Variants in CENPF observed in about 807,000 individuals in gnomAD.
CENPF encodes the protein centromere protein F, also known as AH antigen.
CENPF carries 214 observed loss-of-function variants against 307.3 expected under a neutral mutation model. The observed-to-expected ratio is 0.70, with a 90% CI of 0.62 to 0.78. The LOEUF (loss-of-function observed/expected upper bound fraction) is 0.78. Ranked by LOEUF, CENPF falls within the 30% of genes least tolerant of loss-of-function variation. CENPF has a pLI of 0.00. For synonymous variants in CENPF, 1,259 were observed against 1,270.6 expected (o/e 0.99, Z 0.19); for missense variants, 3,401 against 3,483.9 (o/e 0.98, Z 0.60).
At chr1:214,608,507 A>C in intron 1 of CENPF, 1 of 1,612,162 alleles carries the variant, frequency 6.2e-7, no homozygotes, top group Non-Finnish European at 8.5e-7. Context: ...AGGACCGTGT[A>C]CCTGGCACCA....
intron 14 of CENPF, 40 bp from the exon 15 acceptor site, chr1:214,651,670 T>C: frequency 7.0e-7 from 1 of 1,427,262 alleles, no homozygotes; most frequent in Non-Finnish European, 9.5e-7. Flanking sequence ...TTCTTAATTA[T>C]GAGGAGGTGC....
intron 3 of CENPF, among the ~76,000 whole-genome samples, chr1:214,615,758 G>A (rs754431722): frequency 3.9e-5 from 6 of 152,096 alleles, no homozygotes; most frequent in Non-Finnish European, 5.9e-5. Flanking sequence ...GGCCAACATG[G>A]TGAAACCCCC....
intron 1 of CENPF, chr1:214,605,989 G>C: frequency 6.3e-7 from 1 of 1,597,196 alleles, no homozygotes; most frequent in Non-Finnish European, 8.5e-7. Context: ...GCACCACCGC[G>C]GCACACTCGT....
Position 214,645,316 on chromosome 1 carries a change from C to T in CENPF, c.5746C>T (p.His1916Tyr), listed in dbSNP as rs1658257906. ...CAGATCGGAGAAAGCTAGCATTGAG[C>T]ATGAAGCCCTCTACCTGGAGGCTGA... is the stretch of plus-strand genomic sequence containing the variant. Reference protein sequence around the residue: ...RIRSEKASIEHEALYLEADLE... With the variant: ...RIRSEKASIEYEALYLEADLE... The change falls in exon 13 of 20, where the codon CAT becomes TAT. Residue 1916 changes from histidine to tyrosine, a missense_variant. Transcript: ENST00000366955. 6.2e-7 allele frequency: 1 copy of T among 1,613,898 alleles called. No homozygotes were observed. The highest frequency in any genetic ancestry group is 1.3e-5 in the African/African-American group (1 of 74,896).
chr1:214,606,118 G>A (rs1657023027), intron 1 of CENPF: 9 of 1,552,464 alleles, frequency 5.8e-6, no homozygotes, highest in Admixed American at 1.8e-5. Flanking sequence ...GGCCTCCGAC[G>A]CGCGCGCACC....
At chr1:214,613,608 TG>T in intron 1 of CENPF, 105 bp from the exon 2 acceptor site, 1 of 724,000 alleles carries the variant, frequency 1.4e-6, no homozygotes, top group Non-Finnish European at 2.2e-6. Context: ...TTTTGAAATG[TG>T]GTCTTGAAAC....
chr1:214,656,042 C>G (rs2102417921), intron 17 of CENPF, among the ~76,000 whole-genome samples: 1 of 152,268 alleles, frequency 6.6e-6, no homozygotes, highest in South Asian at 2.1e-4. Flanking sequence ...AGATTGGCAT[C>G]AGAATTGGCT....
At position 214,644,601 on chromosome 1, in the gene CENPF, T is replaced by C. The variant is rs111841607; in HGVS notation, c.5031T>C (p.His1677=). The C allele has an allele frequency of 6.2e-7, 1 of 1,612,428 alleles. No homozygotes were observed. Among genetic ancestry groups the C allele is most frequent in the Non-Finnish European group, 8.5e-7 (1 of 1,179,084 alleles). The change falls in exon 13 of 20, where the codon CAT becomes CAC. Residue 1677 remains histidine, a synonymous_variant. Coordinates refer to ENST00000366955, the MANE Select transcript of CENPF (RefSeq NM_016343.4). ...AGAGCTGTGACATATCAAAAGAACA[T>C]ACTTCAGAAACTACAGAAAGAACAC... ...RNESCDISKE[H]TSETTERTPK... is the part of the protein sequence containing the mutation.
intron 19 of CENPF, among the ~76,000 whole-genome samples, chr1:214,662,493 A>G (rs755879348): frequency 1.2e-4 from 18 of 152,348 alleles, no homozygotes; most frequent in Middle Eastern, 3.4e-3. Flanking sequence ...TGGAAAGAAT[A>G]TAAATGGGAA....
intron 15 of CENPF, among the ~76,000 whole-genome samples, chr1:214,652,569 G>A (rs766443141): frequency 2.0e-5 from 3 of 150,772 alleles, no homozygotes; most frequent in South Asian, 2.1e-4. Flanking sequence ...TCAGCCTCCC[G>A]AGTAGCTGGG....
At position 214,642,776 on chromosome 1, in the gene CENPF, T is replaced by C; in HGVS notation, c.4438T>C (p.Cys1480Arg). 1 of 1,614,008 alleles carries C rather than the reference T, an allele frequency of 6.2e-7. No homozygotes were observed. The highest frequency in any genetic ancestry group is 8.5e-7 in the Non-Finnish European group (1 of 1,179,960). Residue 1480 changes from cysteine to arginine, a missense_variant, in exon 12 of 20, where the codon TGT (cysteine) becomes CGT (arginine). Physicochemically the swap from Cys to Arg is radical, Grantham distance 180. Transcript: ENST00000366955. ...GCTCGTTCCATCCCTGTCATCCTCT[T>C]GTGTGCCTGACAGCTCTAGTCTTAG... The part of the protein sequence containing the change: ...EGLVPSLSSS[C>R]VPDSSSLSSL...
intron 3 of CENPF, among the ~76,000 whole-genome samples, chr1:214,617,429 T>A (rs1657391755): frequency 6.6e-6 from 1 of 152,208 alleles, no homozygotes; most frequent in African/African-American, 2.4e-5. Flanking sequence ...AAAAGAGCTT[T>A]CATTTTATTT....
intron 11 of CENPF, among the ~76,000 whole-genome samples, chr1:214,639,100 T>C (rs1022902498): frequency 1.3e-5 from 2 of 152,236 alleles, no homozygotes; most frequent in African/African-American, 4.8e-5. Flanking sequence ...GAGATTGTAA[T>C]ACATGTTACC....
chr1:214,660,682 C>A (rs927377365), intron 19 of CENPF, among the ~76,000 whole-genome samples: 5 of 152,168 alleles, frequency 3.3e-5, no homozygotes, highest in African/African-American at 1.2e-4. Context: ...AACATCCATT[C>A]CTGTTTGTCT....
chr1:214,635,473 G>A (rs1657933212), intron 10 of CENPF, among the ~76,000 whole-genome samples: 1 of 152,170 alleles, frequency 6.6e-6, no homozygotes, highest in African/African-American at 2.4e-5. Flanking sequence ...AATCATGTGA[G>A]GATGCAGGAG....
rs114717799 is a variant in CENPF, at chr1:214,641,961, C to T, written c.3623C>T (p.Ala1208Val). 9.0e-3 allele frequency: 14,338 copies of T among 1,599,682 alleles called. 160 individuals carry two copies. Among genetic ancestry groups the T allele is most frequent in the Middle Eastern group, 0.026 (153 of 5,972 alleles). Reference sequence around the variant, plus strand: ...GAAATTTCTCTAGATAGTTATAATGCGCAGTTGGTGCAATTAGAAGCTATG... The same window carrying T: ...GAAATTTCTCTAGATAGTTATAATGTGCAGTTGGTGCAATTAGAAGCTATG... ...VKEISLDSYN[A>V]QLVQLEAMLR... Residue 1208 changes from alanine (A) to valine (V), a missense_variant, in exon 12 of 20, where the codon GCG (alanine) becomes GTG (valine). Coordinates refer to ENST00000366955, the MANE Select transcript of CENPF (RefSeq NM_016343.4).
At position 214,645,551 on chromosome 1, in the gene CENPF, A is replaced by C. The variant is rs1240768203; in HGVS notation, c.5981A>C (p.His1994Pro). Residue 1994 changes from histidine (H) to proline (P), a missense_variant, in exon 13 of 20, where the codon CAT becomes CCT. Transcript: ENST00000366955. ...MKEKTQELES[H>P]QSECLHCIQV... ...GAGAAAACACAAGAGCTTGAGTCTC[A>C]TCAAAGTGAGTGTCTCCATTGCATT... 1.9e-6 allele frequency: 3 copies of C among 1,614,204 alleles called. No individual in the cohort carries two copies. The highest frequency in any genetic ancestry group is 2.5e-6 in the Non-Finnish European group (3 of 1,180,036).
chr1:214,646,112 A>G lies in CENPF; in HGVS notation c.6542A>G (p.Lys2181Arg), dbSNP rs1271342172. 8 of 1,613,970 alleles carry G rather than the reference A, an allele frequency of 5.0e-6. No individual in the cohort carries two copies. The highest frequency in any genetic ancestry group is 2.2e-5 in the South Asian group (2 of 91,090). The change falls in exon 13 of 20, where the codon AAA becomes AGA. Residue 2181 changes from lysine to arginine, a missense_variant. Lys to Arg is a conservative substitution (Grantham distance 26). Coordinates refer to ENST00000366955, the MANE Select transcript of CENPF (RefSeq NM_016343.4). The part of the protein sequence containing the change: ...ELVILDAENS[K>R]AEVETLKTQI... ...GTGATTCTTGATGCCGAGAATTCCA[A>G]AGCAGAAGTAGAGACTCTAAAAACA...
intron 15 of CENPF, among the ~76,000 whole-genome samples, chr1:214,652,396 G>T (rs1658505599): frequency 6.6e-6 from 1 of 151,176 alleles, no homozygotes; most frequent in African/African-American, 2.4e-5. Flanking sequence ...GAGCTGCAAA[G>T]TCGAAATAGT....
Sources: allele counts gnomAD v4.1 joint callset (sites outside exome capture counted in the v4.1 genomes callset), GRCh38; gene constraint gnomAD v4.1.1; transcripts MANE v1.5; gene names NCBI Gene and HGNC (gene_info 2026-07-23, HGNC 2026-07-21).